Variants in HNF4A observed in about 807,000 individuals in gnomAD.
HNF4A encodes hepatocyte nuclear factor 4-alpha.
HNF4A carries 15 observed loss-of-function variants against 52.4 expected under a neutral mutation model. That is an observed-to-expected ratio of 0.29 (90% CI 0.19 to 0.44). The LOEUF (loss-of-function observed/expected upper bound fraction) is 0.44, where lower values mean the gene tolerates loss of function less well. HNF4A is among the 20% of genes least tolerant of loss of function. The pLI, the probability that HNF4A is intolerant of heterozygous loss-of-function variation, is 1.00. For synonymous variants in HNF4A, 280 were observed against 264.4 expected (o/e 1.06, Z -0.57); for missense variants, 479 against 647.2 (o/e 0.74, Z 2.82).
downstream of HNF4A, chr20:44,434,521 G>GA (rs1327132796): frequency 2.1e-4 from 31 of 150,020 alleles, no homozygotes; most frequent in African/African-American, 7.3e-4. Context: ...ACAAGCGCGG[G>GA]GGGGGGGGGG....
upstream of HNF4A, among the ~76,000 whole-genome samples, chr20:44,396,684 A>G (rs919789703): frequency 6.6e-6 from 1 of 152,242 alleles, no homozygotes; most frequent in African/African-American, 2.4e-5. Context: ...CCAGTGTGTC[A>G]TGCAATCAAT....
chr20:44,428,344 G>A lies in HNF4A; in HGVS notation c.1139G>A (p.Ser380Asn), dbSNP rs760091853. 1 of 1,614,062 alleles carries A rather than the reference G, an allele frequency of 6.2e-7. No individual in the cohort carries two copies. Among genetic ancestry groups the A allele is most frequent in the Non-Finnish European group, 8.5e-7 (1 of 1,180,012 alleles). ...CCTTCTCTACCTGCAGGGTCCCCCA[G>A]CGATGCACCCCATGCCCACCACCCC... is the stretch of plus-strand genomic sequence containing the variant. Residue 380 changes from serine (S) to asparagine (N), a missense_variant, in exon 9 of 10, where the codon AGC becomes AAC. This residue lies in a region of HNF4A where 389 missense variants were observed against 525.1 expected (regional missense o/e 0.74). Coordinates refer to ENST00000316099, the MANE Select transcript of HNF4A (RefSeq NM_000457.6).
At chr20:44,395,946 T>C (rs995486411) in intron 1 of HNF4A, among the ~76,000 whole-genome samples, 7 of 152,044 alleles carry the variant, frequency 4.6e-5, no homozygotes, top group Middle Eastern at 3.2e-3. Context: ...TGGCCAGGCG[T>C]GTGGAGGATG....
chr20:44,356,782 T>C (rs2062863570), intron 1 of HNF4A, among the ~76,000 whole-genome samples: 1 of 152,204 alleles, frequency 6.6e-6, no homozygotes, highest in African/African-American at 2.4e-5. Context: ...TTTTATCTTT[T>C]GGGGACACAT....
Position 44,387,655 on chromosome 20 carries a change from C to CGGGGGG in HNF4A, c.50-18396_50-18391dup, listed in dbSNP as rs1212441244. ...AGTGAAGGGGTGGGGTGGAGGCAGG[C>CGGGGGG]GGGGGGGGGGGGAGGCGGGGGGGGC... On this transcript the variant is annotated intron_variant, in intron 1 of 9. Transcript: ENST00000316673. Among the ~76,000 whole-genome samples the CGGGGGG allele has an allele frequency of 1.0e-3, 9 of 8,612 alleles. 1 individual carries two copies. The highest frequency in any genetic ancestry group is 3.0e-3 in the Non-Finnish European group (7 of 2,318). 5.6% of individuals were successfully genotyped at this position (8,612 alleles called of 152,430 possible). A position where few individuals can be genotyped will look rare whatever the true frequency, so the allele number is the denominator to read the frequency against.
rs778173957 is a variant in HNF4A at position 44,355,787 on chromosome 20, G to A, written c.-18G>A. 2.0e-5 allele frequency: 33 copies of A among 1,612,884 alleles called. No individual in the cohort carries two copies. Among genetic ancestry groups the A allele is most frequent in the Admixed American group, 1.8e-4 (11 of 59,996 alleles). On this transcript the variant is annotated 5_prime_UTR_variant, in exon 1 of 10. Coordinates refer to the HNF4A transcript ENST00000316673. ...TGCTCCTCCATGCCCCCAGCTCTCCGGCTGGGTGGGCTTGGCCATGGTCAG... is the reference window on the plus strand; with the variant it reads ...TGCTCCTCCATGCCCCCAGCTCTCCAGCTGGGTGGGCTTGGCCATGGTCAG...
At chr20:44,388,557 T>C (rs1329627329) in intron 1 of HNF4A, among the ~76,000 whole-genome samples, 1 of 152,092 alleles carries the variant, frequency 6.6e-6, no homozygotes, top group Admixed American at 6.5e-5. Flanking sequence ...CGAGCTGTGA[T>C]TGGTGATCGA....
At chr20:44,410,128 C>T (rs3212190) in intron 3 of HNF4A, among the ~76,000 whole-genome samples, 46,913 of 152,170 alleles carry the variant, frequency 0.31, 7,467 homozygotes, top group Middle Eastern at 0.43. Flanking sequence ...CCACTGCGCC[C>T]GGCCCCTGGC....
In HNF4A at chr20:44,418,527, T is replaced by C. The variant is rs1600731546; in HGVS notation, c.736+15T>C. 6.2e-7 allele frequency: 1 copy of C among 1,601,860 alleles called. No individual in the cohort carries two copies. Among genetic ancestry groups the C allele is most frequent in the South Asian group, 1.1e-5 (1 of 90,922 alleles). On this transcript the variant is annotated intron_variant, in intron 6 of 9. Transcript: ENST00000316099. ...GCTGCTCCTAGGTGAGGCGGCTGCC[T>C]GCCCTGGCCAGGGCTCCAGGGAGGG...
chr20:44,424,457 G>A (rs1028390600), intron 8 of HNF4A: 2 of 1,017,498 alleles, frequency 2.0e-6, no homozygotes, highest in Non-Finnish European at 3.0e-6. Flanking sequence ...CGAGAACCTA[G>A]CACGTGCCAG....
chr20:44,416,146 C>G (rs552780177), intron 5 of HNF4A, among the ~76,000 whole-genome samples: 3 of 152,174 alleles, frequency 2.0e-5, no homozygotes, highest in Admixed American at 1.3e-4. Flanking sequence ...GGCCCACCCC[C>G]CAGAACAGCT....
At chr20:44,425,308 T>C (rs1028783547) in intron 8 of HNF4A, among the ~76,000 whole-genome samples, 3 of 152,084 alleles carry the variant, frequency 2.0e-5, no homozygotes, top group Non-Finnish European at 4.4e-5. Context: ...AACAAACCAC[T>C]CTGTTGGGTA....
intron 1 of HNF4A, chr20:44,389,708 C>T (rs1210382955): frequency 6.6e-6 from 1 of 152,200 alleles, no homozygotes; most frequent in Non-Finnish European, 1.5e-5. Flanking sequence ...GTAGATGGGA[C>T]ACAGTCCAGT....
chr20:44,388,562 G>A (rs956275088), intron 1 of HNF4A, among the ~76,000 whole-genome samples: 3 of 152,134 alleles, frequency 2.0e-5, no homozygotes, highest in Non-Finnish European at 2.9e-5. Flanking sequence ...TGTGATTGGT[G>A]ATCGAACCGA....
intron 1 of HNF4A, among the ~76,000 whole-genome samples, chr20:44,366,204 T>C (rs976599783): frequency 6.6e-6 from 1 of 152,240 alleles, no homozygotes; most frequent in African/African-American, 2.4e-5. Flanking sequence ...GTAAGATATG[T>C]ATGTTTTTGA....
chr20:44,422,836 G>A (rs1047098770), intron 7 of HNF4A, among the ~76,000 whole-genome samples: 1 of 151,538 alleles, frequency 6.6e-6, no homozygotes, highest in Non-Finnish European at 1.5e-5. Flanking sequence ...GTGTCACCAC[G>A]CCAGGTGAAT....
chr20:44,380,898 T>C (rs1283375598), intron 1 of HNF4A, among the ~76,000 whole-genome samples: 2 of 152,234 alleles, frequency 1.3e-5, no homozygotes, highest in African/African-American at 4.8e-5. Flanking sequence ...TACTTTTCCG[T>C]CAAACTCATT....
intron 1 of HNF4A, among the ~76,000 whole-genome samples, chr20:44,405,457 C>G (rs1600706161): frequency 6.6e-6 from 1 of 152,156 alleles, no homozygotes; most frequent in East Asian, 1.9e-4. Flanking sequence ...GCCCAAGATC[C>G]TCTTTCCACC....
At chr20:44,370,576 G>A (rs1402647510) in intron 1 of HNF4A, among the ~76,000 whole-genome samples, 2 of 152,134 alleles carry the variant, frequency 1.3e-5, no homozygotes, top group Non-Finnish European at 2.9e-5. Context: ...CTGAAATTAC[G>A]TATTCCTTGA....
Sources: allele counts gnomAD v4.1 joint callset (sites outside exome capture counted in the v4.1 genomes callset), GRCh38; gene constraint gnomAD v4.1.1; regional missense constraint gnomAD v4.1.1; transcripts MANE v1.5; gene names NCBI Gene and HGNC (gene_info 2026-07-23, HGNC 2026-07-21).